ZSWIM6: variants seen among roughly 807,000 people sequenced by gnomAD.
ZSWIM6 encodes the protein zinc finger SWIM domain-containing protein 6.
A neutral mutation model predicts 113.2 loss-of-function variants in ZSWIM6; 9 were observed. The ratio of observed to expected loss-of-function variants is 0.08; its 90% CI spans 0.05 to 0.14. The LOEUF is 0.14. Among genes scored for constraint, ZSWIM6 ranks in the 10% least tolerant of loss-of-function variants. The pLI is 1.00. For missense variants in ZSWIM6, 1,162 were observed against 1,552.2 expected, an observed-to-expected ratio of 0.75 and a Z score of 4.22; for synonymous variants, 611 against 606.5, an observed-to-expected ratio of 1.01 and a Z score of -0.11.
chr5:61,416,319 C>T (rs1190319997), intron 1 of ZSWIM6, among the ~76,000 whole-genome samples: 1 of 152,196 alleles, frequency 6.6e-6, no homozygotes, highest in African/African-American at 2.4e-5. Flanking sequence ...ACAGCTTCAT[C>T]TCCCCCTCCT....
chr5:61,415,437 C>G (rs1180156365), intron 1 of ZSWIM6, among the ~76,000 whole-genome samples: 2 of 151,980 alleles, frequency 1.3e-5, no homozygotes, highest in Non-Finnish European at 2.9e-5. Flanking sequence ...TACTGAAATA[C>G]AAAAATTAGC....
chr5:61,416,857 C>T (rs780323684), intron 1 of ZSWIM6, among the ~76,000 whole-genome samples: 3 of 152,202 alleles, frequency 2.0e-5, no homozygotes, highest in Non-Finnish European at 4.4e-5. Context: ...TGCATAAGGC[C>T]GGGCACAGTG....
At chr5:61,514,198 C>G (rs1270571297) in intron 4 of ZSWIM6, among the ~76,000 whole-genome samples, 1 of 150,448 alleles carries the variant, frequency 6.6e-6, no homozygotes, top group Non-Finnish European at 1.5e-5. Flanking sequence ...ATAAATAGTA[C>G]TTTGTGGGTA....
At chr5:61,431,088 T>C (rs923526372) in intron 1 of ZSWIM6, among the ~76,000 whole-genome samples, 1 of 152,122 alleles carries the variant, frequency 6.6e-6, no homozygotes, top group Admixed American at 6.5e-5. Context: ...TATCATCTTA[T>C]GGGTCGGGCA....
chr5:61,544,206 C>T lies in ZSWIM6; in HGVS notation c.3537C>T (p.Phe1179=). The change falls in exon 14 of 14, where the codon TTC becomes TTT. Residue 1179 remains phenylalanine, a synonymous_variant. Coordinates refer to ENST00000252744, the MANE Select transcript of ZSWIM6 (RefSeq NM_020928.2). ...TCCTCAGCAAAGCCCGAGAGACCTT[C>T]TTAATGGCGCATGATGGACACATTC... ...IEFLSKARET[F]LMAHDGHIQF... 1 of 1,551,690 alleles carries T rather than the reference C, an allele frequency of 6.4e-7. No homozygotes were observed. Among genetic ancestry groups the T allele is most frequent in the Non-Finnish European group, 8.7e-7 (1 of 1,146,988 alleles).
chr5:61,333,411 C>T (rs1044781668), intron 1 of ZSWIM6, among the ~76,000 whole-genome samples: 8 of 151,908 alleles, frequency 5.3e-5, no homozygotes, highest in Non-Finnish European at 1.0e-4. Context: ...CGCTCCCCCC[C>T]TCTCCCACTG....
chr5:61,355,484 ACACACACACACACT>A (rs1744883462), intron 1 of ZSWIM6, among the ~76,000 whole-genome samples: 3 of 124,492 alleles, frequency 2.4e-5, no homozygotes, highest in African/African-American at 8.9e-5. Context: ...ACACACACAC[ACACACACACACACT>A]ATTAGATGGC....
chr5:61,509,798 A>C (rs1378304214), intron 4 of ZSWIM6, among the ~76,000 whole-genome samples: 1 of 152,188 alleles, frequency 6.6e-6, no homozygotes, highest in Non-Finnish European at 1.5e-5. Context: ...AAGTATTTCA[A>C]GTTACTGATT....
At chr5:61,516,515 A>T (rs1319308985) in intron 4 of ZSWIM6, among the ~76,000 whole-genome samples, 2 of 144,764 alleles carry the variant, frequency 1.4e-5, no homozygotes, top group East Asian at 4.0e-4. Flanking sequence ...GCCATTTAAC[A>T]TGGCAAATAT....
chr5:61,359,779 T>C (rs926857990), intron 1 of ZSWIM6, among the ~76,000 whole-genome samples: 7 of 152,206 alleles, frequency 4.6e-5, no homozygotes, highest in African/African-American at 1.2e-4. Context: ...AAACTCATTT[T>C]ATTTTCAAAA....
intron 1 of ZSWIM6, among the ~76,000 whole-genome samples, chr5:61,350,577 T>C (rs1046298518): frequency 2.6e-5 from 4 of 152,168 alleles, no homozygotes; most frequent in Admixed American, 6.5e-5. Flanking sequence ...TTTAAAGATA[T>C]GTAAATTTTA....
At chr5:61,336,158 G>T (rs1744389107) in intron 1 of ZSWIM6, among the ~76,000 whole-genome samples, 1 of 152,122 alleles carries the variant, frequency 6.6e-6, no homozygotes, top group Admixed American at 6.5e-5. Context: ...CAGCTACTTG[G>T]GAGGCTGAGG....
At chr5:61,487,694 C>T (rs2340226) in intron 2 of ZSWIM6, among the ~76,000 whole-genome samples, 2,488 of 151,862 alleles carry the variant, frequency 0.016, 26 homozygotes, top group Non-Finnish European at 0.026. Context: ...TTGTTATTGG[C>T]GTATAGAAAC....
chr5:61,417,669 C>G (rs925123759), intron 1 of ZSWIM6, among the ~76,000 whole-genome samples: 1 of 152,192 alleles, frequency 6.6e-6, no homozygotes, highest in African/African-American at 2.4e-5. Flanking sequence ...ATCCTTACCA[C>G]TGAAGTGCAT....
chr5:61,456,326 C>T (rs1214566337), intron 1 of ZSWIM6, among the ~76,000 whole-genome samples: 1 of 152,038 alleles, frequency 6.6e-6, no homozygotes, highest in Non-Finnish European at 1.5e-5. Flanking sequence ...TATTTTAAGG[C>T]TAATACTTCT....
At chr5:61,350,850 C>CT (rs1416875343) in intron 1 of ZSWIM6, among the ~76,000 whole-genome samples, 2 of 152,136 alleles carry the variant, frequency 1.3e-5, no homozygotes, top group African/African-American at 4.8e-5. Context: ...CGTAAGGCTG[C>CT]TAAGAGGCTC....
chr5:61,353,024 C>G (rs559558318), intron 1 of ZSWIM6, among the ~76,000 whole-genome samples: 24 of 152,144 alleles, frequency 1.6e-4, no homozygotes, highest in Non-Finnish European at 3.1e-4. Context: ...TTTTTTTCCC[C>G]GTCTGTTGAT....
intron 4 of ZSWIM6, among the ~76,000 whole-genome samples, chr5:61,516,535 T>TTATA (rs70977852): frequency 2.8e-5 from 4 of 145,184 alleles, no homozygotes; most frequent in Non-Finnish European, 4.5e-5. Flanking sequence ...TATATATATC[T>TTATA]TATATATATA....
chr5:61,436,059 G>T (rs1746699539), intron 1 of ZSWIM6, among the ~76,000 whole-genome samples: 1 of 152,072 alleles, frequency 6.6e-6, no homozygotes, highest in African/African-American at 2.4e-5. Context: ...AAATTAGCCG[G>T]GCGTGGTGGT....
Sources: gnomAD v4.1 joint callset for allele counts (sites outside exome capture counted in the v4.1 genomes callset) on GRCh38, gnomAD v4.1.1 for gene constraint, MANE v1.5 for transcripts, NCBI Gene and HGNC (gene_info 2026-07-23, HGNC 2026-07-21) for gene names.